Variants in EPHA6 observed in about 807,000 individuals in gnomAD.
EPHA6 encodes the protein ephrin type-A receptor 6.
A neutral mutation model predicts 112.0 loss-of-function variants in EPHA6; 50 were observed. The ratio of observed to expected loss-of-function variants is 0.45; its 90% CI spans 0.36 to 0.56. EPHA6 has a LOEUF of 0.56. Ranked by LOEUF, EPHA6 falls within the 20% of genes least tolerant of loss-of-function variation. EPHA6 has a pLI of 0.00. For synonymous variants in EPHA6, 529 were observed against 490.7 expected, an observed-to-expected ratio of 1.08 and a Z score of -1.03; for missense variants, 1,280 against 1,417.4, an observed-to-expected ratio of 0.90 and a Z score of 1.56.
chr3:97,487,358 T>G (rs550256575), intron 10 of EPHA6, among the ~76,000 whole-genome samples: 10 of 152,336 alleles, frequency 6.6e-5, no homozygotes, highest in Non-Finnish European at 1.5e-4. Context: ...CACATTAACA[T>G]TTTCACAAAA....
At chr3:96,994,811 T>TATAG (rs1339513767) in intron 3 of EPHA6, among the ~76,000 whole-genome samples, 1 of 140,676 alleles carries the variant, frequency 7.1e-6, no homozygotes, top group South Asian at 2.2e-4. Flanking sequence ...TATATATATA[T>TATAG]AGAGAGAGAG....
At chr3:97,694,936 T>C (rs561389439) in intron 14 of EPHA6, among the ~76,000 whole-genome samples, 44 of 152,200 alleles carry the variant, frequency 2.9e-4, no homozygotes, top group Non-Finnish European at 5.7e-4. Context: ...TTTTTAACTG[T>C]TTATCCCTGG....
rs1233508207 is a variant in EPHA6, at chr3:97,390,916, C to G, written c.1607-14234C>G. The stretch of plus-strand genomic sequence containing the variant: ...AATATTTTTGCTTTTGTTTCCCAAT[C>G]CAAATAATTTTTAAAATGAAACTGT... On this transcript the variant is annotated intron_variant, in intron 5 of 17. Coordinates refer to ENST00000389672, the MANE Select transcript of EPHA6 (RefSeq NM_001080448.3). 1.2e-4 allele frequency among the ~76,000 whole-genome samples: 18 copies of G among 151,880 alleles called. No individual in the cohort carries two copies. The Admixed American group carries it at 1.2e-3, about 10-fold the overall frequency.
At chr3:96,942,408 C>T (rs11918696) in intron 2 of EPHA6, among the ~76,000 whole-genome samples, 2,386 of 152,230 alleles carry the variant, frequency 0.016, 62 homozygotes, top group African/African-American at 0.048. Context: ...CTAGGACCCT[C>T]CGAGCTAGGT....
At chr3:97,138,255 T>A (rs2075812209) in intron 3 of EPHA6, among the ~76,000 whole-genome samples, 2 of 152,142 alleles carry the variant, frequency 1.3e-5, no homozygotes, top group East Asian at 3.9e-4. Context: ...CTGCTTGAAC[T>A]CACACGGACC....
At chr3:97,439,539 T>C in intron 6 of EPHA6, 2 of 688,160 alleles carry the variant, frequency 2.9e-6, no homozygotes, top group Non-Finnish European at 3.6e-6. Flanking sequence ...AGACAACAAC[T>C]CTGTTGGTTG....
chr3:97,459,729 A>G (rs2090822378), intron 7 of EPHA6, among the ~76,000 whole-genome samples: 1 of 152,106 alleles, frequency 6.6e-6, no homozygotes, highest in Non-Finnish European at 1.5e-5. Context: ...TTTTTCATTG[A>G]CACTCCTATA....
intron 5 of EPHA6, among the ~76,000 whole-genome samples, chr3:97,313,286 A>G (rs964335227): frequency 3.3e-5 from 5 of 151,330 alleles, no homozygotes; most frequent in Non-Finnish European, 7.4e-5. Context: ...TTATCCATTC[A>G]TCTGTTGATG....
chr3:97,453,125 A>AT (rs1313763222), intron 7 of EPHA6, among the ~76,000 whole-genome samples: 1 of 151,748 alleles, frequency 6.6e-6, no homozygotes, highest in African/African-American at 2.4e-5. Flanking sequence ...GCAGTAAGTA[A>AT]TTTTGCATGT....
At chr3:96,979,589 T>G (rs1335399373) in intron 2 of EPHA6, among the ~76,000 whole-genome samples, 5 of 152,180 alleles carry the variant, frequency 3.3e-5, no homozygotes, top group Non-Finnish European at 7.3e-5. Context: ...CTGGGTTAAA[T>G]GGTATTTCTA....
chr3:97,073,461 G>T (rs1455446338), intron 3 of EPHA6, among the ~76,000 whole-genome samples: 1 of 152,010 alleles, frequency 6.6e-6, no homozygotes, highest in African/African-American at 2.4e-5. Flanking sequence ...GTCACATCAT[G>T]GATTTTGCTT....
chr3:97,265,400 T>A (rs1191098218), intron 5 of EPHA6, among the ~76,000 whole-genome samples: 2 of 152,098 alleles, frequency 1.3e-5, no homozygotes, highest in Non-Finnish European at 2.9e-5. Context: ...TCATCACTCG[T>A]CGGTGCCCAA....
At chr3:96,869,835 T>C (rs568925072) in intron 2 of EPHA6, among the ~76,000 whole-genome samples, 61 of 152,156 alleles carry the variant, frequency 4.0e-4, no homozygotes, top group South Asian at 4.1e-4. Context: ...AAAACAAAAG[T>C]GCTGTTGGAT....
intron 8 of EPHA6, among the ~76,000 whole-genome samples, chr3:97,478,211 G>A (rs979083475): frequency 2.0e-5 from 3 of 151,996 alleles, no homozygotes; most frequent in Non-Finnish European, 4.4e-5. Context: ...CATAAGTTAA[G>A]GCCTTATTTT....
chr3:96,964,966 A>T (rs1037700130), intron 2 of EPHA6, among the ~76,000 whole-genome samples: 1 of 152,148 alleles, frequency 6.6e-6, no homozygotes, highest in African/African-American at 2.4e-5. Flanking sequence ...ATCACAGAAA[A>T]TTCAGAGAGA....
chr3:97,132,386 G>A (rs1186239820), intron 3 of EPHA6, among the ~76,000 whole-genome samples: 1 of 151,952 alleles, frequency 6.6e-6, no homozygotes, highest in Non-Finnish European at 1.5e-5. Context: ...GATATGGGTG[G>A]AATCCTAACT....
intron 14 of EPHA6, among the ~76,000 whole-genome samples, chr3:97,686,937 G>T (rs982153770): frequency 2.6e-5 from 4 of 152,064 alleles, no homozygotes; most frequent in Non-Finnish European, 5.9e-5. Context: ...CATATTTTGT[G>T]GGGGGAAATT....
At chr3:97,433,022 A>T (rs2089610900) in intron 6 of EPHA6, among the ~76,000 whole-genome samples, 1 of 152,188 alleles carries the variant, frequency 6.6e-6, no homozygotes, top group African/African-American at 2.4e-5. Context: ...TAAAAGAATT[A>T]GAAACCTCAG....
intron 14 of EPHA6, among the ~76,000 whole-genome samples, chr3:97,642,510 C>G (rs976847293): frequency 6.9e-6 from 1 of 145,896 alleles, no homozygotes; most frequent in Non-Finnish European, 1.5e-5. Context: ...GGAGGACATT[C>G]AAACCAAAGG....
Sources: gnomAD v4.1 joint callset for allele counts (sites outside exome capture counted in the v4.1 genomes callset) on GRCh38, gnomAD v4.1.1 for gene constraint, MANE v1.5 for transcripts, NCBI Gene and HGNC (gene_info 2026-07-23, HGNC 2026-07-21) for gene names.